The following SCARB2 variants were observed in gnomAD, a reference collection of about 807,000 sequenced individuals.
SCARB2 encodes the protein lysosome membrane protein 2.
In SCARB2, 29 loss-of-function variants were observed where a neutral mutation model predicts 58.6. The ratio of observed to expected loss-of-function variants is 0.49; its 90% CI spans 0.37 to 0.67. The LOEUF (loss-of-function observed/expected upper bound fraction) is 0.67, where lower values mean the gene tolerates loss of function less well. Ranked by LOEUF, SCARB2 falls within the 30% of genes least tolerant of loss-of-function variation. The pLI is 0.00. For synonymous variants in SCARB2, 195 were observed against 210.1 expected (o/e 0.93, Z 0.62); for missense variants, 488 against 578.5 (o/e 0.84, Z 1.60).
At chr4:76,174,027 T>TCCCA (rs1732191426) in intron 7 of SCARB2, 117 bp downstream of exon 7, 1 of 1,289,118 alleles carries the variant, frequency 7.8e-7, no homozygotes, top group South Asian at 1.2e-5. Context: ...CACCTCAGCA[T>TCCCA]CCTTAGTAGC....
intron 1 of SCARB2, among the ~76,000 whole-genome samples, chr4:76,225,752 ATAT>A (rs1355645897): frequency 6.6e-6 from 1 of 152,184 alleles, no homozygotes; most frequent in Non-Finnish European, 1.5e-5. Context: ...TGATCATGGC[ATAT>A]TATCTTTTTG....
intron 1 of SCARB2, among the ~76,000 whole-genome samples, chr4:76,220,490 G>A (rs1020299736): frequency 1.3e-5 from 2 of 152,086 alleles, no homozygotes; most frequent in East Asian, 1.9e-4. Flanking sequence ...AGATGGGCAC[G>A]GTGGCATGCA....
At chr4:76,206,061 C>T (rs1049719620) in intron 1 of SCARB2, among the ~76,000 whole-genome samples, 14 of 152,058 alleles carry the variant, frequency 9.2e-5, no homozygotes, top group Non-Finnish European at 7.4e-5. Flanking sequence ...GATTAGGTCA[C>T]GAGCGTAGAA....
At chr4:76,218,922 A>G (rs1352215898) in intron 1 of SCARB2, among the ~76,000 whole-genome samples, 1 of 152,156 alleles carries the variant, frequency 6.6e-6, no homozygotes, top group African/African-American at 2.4e-5. Flanking sequence ...GCATTACTTC[A>G]TTTACTCCTT....
At chr4:76,163,651 C>A (rs1731945066) in intron 10 of SCARB2, 1 of 504,874 alleles carries the variant, frequency 2.0e-6, no homozygotes, top group Non-Finnish European at 3.6e-6. Context: ...ACAGTATCAC[C>A]TTTTGTTTTA....
intron 1 of SCARB2, among the ~76,000 whole-genome samples, chr4:76,226,067 T>C (rs1399283891): frequency 6.6e-6 from 1 of 152,040 alleles, no homozygotes; most frequent in Non-Finnish European, 1.5e-5. Context: ...GTTGGGGTGA[T>C]CAGACTCAAC....
chr4:76,220,666 ACTT>A (rs1733291989), intron 1 of SCARB2, among the ~76,000 whole-genome samples: 1 of 152,188 alleles, frequency 6.6e-6, no homozygotes, highest in African/African-American at 2.4e-5. Flanking sequence ...TACAGTGCAG[ACTT>A]CTTTTCTTTT....
At chr4:76,221,340 T>TG (rs1169836944) in intron 1 of SCARB2, among the ~76,000 whole-genome samples, 1 of 151,984 alleles carries the variant, frequency 6.6e-6, no homozygotes. Context: ...ATGGGGGAGA[T>TG]GAAGTTTCGC....
At chr4:76,172,203 T>C (rs1194020790) in intron 7 of SCARB2, among the ~76,000 whole-genome samples, 1 of 140,824 alleles carries the variant, frequency 7.1e-6, no homozygotes, top group Non-Finnish European at 1.5e-5. Flanking sequence ...GTCAGTTGTA[T>C]ATATATATGT....
At chr4:76,214,977 G>C (rs756961421), upstream of SCARB2, among the ~76,000 whole-genome samples, 29 of 152,230 alleles carry the variant, frequency 1.9e-4, no homozygotes, top group Non-Finnish European at 3.2e-4. Flanking sequence ...TGTATAAAAA[G>C]TTCAGCAAGG....
chr4:76,168,333 G>T, intron 9 of SCARB2, 70 bp downstream of exon 9: 3 of 1,200,194 alleles, frequency 2.5e-6, no homozygotes, highest in South Asian at 2.4e-5. Context: ...TACTCCTCCT[G>T]ACATCAACCC....
chr4:76,202,766 ATGTAT>A (rs1361199031), intron 1 of SCARB2, among the ~76,000 whole-genome samples: 4 of 152,180 alleles, frequency 2.6e-5, no homozygotes, highest in Non-Finnish European at 2.9e-5. Context: ...TTGAGATCAT[ATGTAT>A]TGTATCATTT....
chr4:76,216,715 A>C (rs1733214155), upstream of SCARB2, among the ~76,000 whole-genome samples: 1 of 152,236 alleles, frequency 6.6e-6, no homozygotes, highest in Non-Finnish European at 1.5e-5. Context: ...GGCGGTTAGT[A>C]AGCCACTTCC....
At chr4:76,170,443 C>A (rs1003185542) in intron 7 of SCARB2, among the ~76,000 whole-genome samples, 1 of 152,138 alleles carries the variant, frequency 6.6e-6, no homozygotes, top group African/African-American at 2.4e-5. Context: ...GGGTGTTGTA[C>A]CTCAAAGCAC....
At position 76,169,913 on chromosome 4, in the gene SCARB2, A is replaced by G. The variant is rs1010410881; in HGVS notation, c.1067T>C (p.Met356Thr). 2.5e-5 allele frequency: 41 copies of G among 1,614,004 alleles called. No homozygotes were observed. Among genetic ancestry groups the G allele is most frequent in the Non-Finnish European group, 3.4e-5 (40 of 1,179,994 alleles). ...CTCATGGTCTTCCTGATTTGGGTGCATGCCTTCTATGGCAGAAACAAACCT... is the reference window on the plus strand; with the variant it reads ...CTCATGGTCTTCCTGATTTGGGTGCGTGCCTTCTATGGCAGAAACAAACCT... Reference protein sequence around the residue: ...DERFVSAIEGMHPNQEDHETF... With the variant: ...DERFVSAIEGTHPNQEDHETF... Residue 356 changes from methionine (M) to threonine (T), a missense_variant, in exon 8 of 12, where the codon ATG becomes ACG. Physicochemically the swap from Met to Thr is moderately conservative, Grantham distance 81. Coordinates refer to ENST00000264896, the MANE Select transcript of SCARB2 (RefSeq NM_005506.4).
chr4:76,181,943 C>T (rs1267124311), intron 2 of SCARB2, among the ~76,000 whole-genome samples: 1 of 152,132 alleles, frequency 6.6e-6, no homozygotes, highest in African/African-American at 2.4e-5. Flanking sequence ...TAGAAAGCGC[C>T]TGGTGCCAGG....
chr4:76,189,305 T>C (rs1301459114), intron 2 of SCARB2, among the ~76,000 whole-genome samples: 1 of 152,224 alleles, frequency 6.6e-6, no homozygotes, highest in Non-Finnish European at 1.5e-5. Flanking sequence ...AATAAGGACA[T>C]ACCTGAGACT....
intron 2 of SCARB2, among the ~76,000 whole-genome samples, chr4:76,186,670 C>T (rs1031648236): frequency 5.3e-5 from 8 of 152,172 alleles, no homozygotes; most frequent in African/African-American, 1.9e-4. Context: ...TCCCTGGTCT[C>T]CCTGTCCCCA....
intron 4 of SCARB2, 52 bp downstream of exon 4, chr4:76,179,465 C>T (rs1732332913): frequency 3.0e-6 from 4 of 1,347,082 alleles, no homozygotes; most frequent in African/African-American, 2.9e-5. Flanking sequence ...TTGGGGTGCC[C>T]CAACCCACTG....
Sources: gnomAD v4.1 joint callset for allele counts (sites outside exome capture counted in the v4.1 genomes callset) on GRCh38, gnomAD v4.1.1 for gene constraint, MANE v1.5 for transcripts, NCBI Gene and HGNC (gene_info 2026-07-23, HGNC 2026-07-21) for gene names.